TPCN1: variants seen among roughly 807,000 people sequenced by gnomAD.
TPCN1 encodes two pore channel protein 1.
Under a neutral mutation model 108.8 loss-of-function variants are expected in TPCN1, and 52 were observed. That is an observed-to-expected ratio of 0.48 (90% confidence interval 0.38 to 0.60). The LOEUF is 0.60. TPCN1 is among the 20% of genes least tolerant of loss of function. The pLI, the probability that TPCN1 is intolerant of heterozygous loss-of-function variation, is 0.00. For missense variants in TPCN1, 806 were observed against 1,072.8 expected, an observed-to-expected ratio of 0.75 and a Z score of 3.47; for synonymous variants, 446 against 433.7, an observed-to-expected ratio of 1.03 and a Z score of -0.35.
In TPCN1 at chr12:113,226,874, G is replaced by A. The variant is rs368830162; in HGVS notation, c.22G>A (p.Asp8Asn). The change falls in exon 2 of 28, where the codon GAC becomes AAC. Residue 8 changes from aspartate to asparagine, a missense_variant. Physicochemically the swap from Asp to Asn is conservative, Grantham distance 23 (BLOSUM62 1). Transcript: ENST00000335509. The stretch of plus-strand genomic sequence containing the variant: ...GAACATGGCTGTGAGTTTGGATGAC[G>A]ACGTGCCGCTCATCCTGACCTTGGA... MAVSLDD[D>N]VPLILTLDEG... 4.3e-6 allele frequency: 7 copies of A among 1,614,016 alleles called. No individual in the cohort carries two copies. Among genetic ancestry groups the A allele is most frequent in the Middle Eastern group, 1.6e-4 (1 of 6,080 alleles).
At chr12:113,225,335 A>T (rs1350135921) in intron 1 of TPCN1, 1 of 432,224 alleles carries the variant, frequency 2.3e-6, no homozygotes, top group Non-Finnish European at 4.7e-6. Context: ...CTGAGATTAC[A>T]GGTGGGAGCC....
chr12:113,244,735 G>A (rs570206317), intron 2 of TPCN1: 46 of 985,410 alleles, frequency 4.7e-5, no homozygotes, highest in South Asian at 1.9e-4. Flanking sequence ...GGAGGGCTCC[G>A]AGTGCTTTGT....
At chr12:113,264,981 A>G (rs1050469778) in intron 3 of TPCN1, among the ~76,000 whole-genome samples, 1 of 151,882 alleles carries the variant, frequency 6.6e-6, no homozygotes, top group African/African-American at 2.4e-5. Context: ...GCATGCCACC[A>G]TACCCAGCTA....
chr12:113,233,325 TGA>T (rs1953762822), intron 2 of TPCN1, among the ~76,000 whole-genome samples: 1 of 152,196 alleles, frequency 6.6e-6, no homozygotes, highest in Admixed American at 6.5e-5. Flanking sequence ...ACGTTTCCTC[TGA>T]GAGCGCTTCA....
At chr12:113,226,080 CTT>C (rs780557259) in intron 1 of TPCN1, among the ~76,000 whole-genome samples, 1 of 140,322 alleles carries the variant, frequency 7.1e-6, no homozygotes, top group Non-Finnish European at 1.6e-5. Flanking sequence ...ACCCAACCAG[CTT>C]TTTTTTTTTT....
At chr12:113,238,493 T>A (rs1227938160) in intron 2 of TPCN1, among the ~76,000 whole-genome samples, 1 of 152,186 alleles carries the variant, frequency 6.6e-6, no homozygotes, top group Non-Finnish European at 1.5e-5. Context: ...CTACCTTAAA[T>A]GACCAAGTCT....
At chr12:113,254,092 A>G (rs1954747041) in intron 2 of TPCN1, among the ~76,000 whole-genome samples, 1 of 152,234 alleles carries the variant, frequency 6.6e-6, no homozygotes, top group Admixed American at 6.5e-5. Flanking sequence ...GCCTCTTGGC[A>G]AATTTCTTGA....
chr12:113,292,335 C>T (rs780921373), intron 25 of TPCN1: 2 of 258,098 alleles, frequency 7.7e-6, no homozygotes, highest in Non-Finnish European at 7.5e-6. Flanking sequence ...GTTCACACTA[C>T]GGTTCTTGAT....
At position 113,291,692 on chromosome 12, in the gene TPCN1, A is replaced by G. The variant is rs780053214; in HGVS notation, c.2028+15A>G. On this transcript the variant is annotated intron_variant, in intron 24 of 27. Transcript: ENST00000335509. ...TTGTGACCATGGTAGGTCCCGGACC[A>G]CAGAACGCTCTTTGTCCTTCGTCTT... 3.7e-6 allele frequency: 6 copies of G among 1,612,900 alleles called. No individual in the cohort carries two copies. Among genetic ancestry groups the G allele is most frequent in the Non-Finnish European group, 5.1e-6 (6 of 1,179,366 alleles).
chr12:113,293,103 G>C (rs1412738356), intron 26 of TPCN1, 30 bp downstream of exon 26: 2 of 1,604,472 alleles, frequency 1.2e-6, no homozygotes, highest in East Asian at 4.5e-5. Flanking sequence ...GTCCGAAGGA[G>C]GGAGGCAGGT....
In TPCN1 at chr12:113,273,137, AAGGCAGGGCATGCC is replaced by A. The variant is rs1955560732; in HGVS notation, c.784-91_784-78del. Reference sequence around the variant, plus strand: ...TTCCTTGAGAGATGCAAGAGCGGTCAAGGCAGGGCATGCCAGGTGGCCCATCACAGCCTGTTCCT... The same window carrying A: ...TTCCTTGAGAGATGCAAGAGCGGTCAAGGTGGCCCATCACAGCCTGTTCCT... On this transcript the variant is annotated intron_variant, in intron 8 of 27. Transcript: ENST00000335509. This position sits in a 1 kb window ranked among gnomAD's most constrained non-coding sequence, Gnocchi z 4.0. 1.3e-5 allele frequency: 14 copies of A among 1,117,206 alleles called. No individual in the cohort carries two copies. Among genetic ancestry groups the A allele is most frequent in the Non-Finnish European group, 1.9e-5 (14 of 728,682 alleles). The allele number at this position is 1,117,206 out of a possible 1,614,324, so 69.2% of individuals were successfully genotyped here.
intron 2 of TPCN1, among the ~76,000 whole-genome samples, chr12:113,228,304 C>T (rs1168035918): frequency 1.3e-5 from 2 of 152,154 alleles, no homozygotes; most frequent in African/African-American, 4.8e-5. Flanking sequence ...TTCTTCATCA[C>T]CCTTAATAAA....
chr12:113,271,110 AT>A (rs1455801542), intron 7 of TPCN1, among the ~76,000 whole-genome samples: 2 of 152,036 alleles, frequency 1.3e-5, no homozygotes, highest in Non-Finnish European at 2.9e-5. Flanking sequence ...CACAAAAAAA[AT>A]ATACAGGAAT....
At chr12:113,279,377 ATATATATATATATATTT>A (rs1955798718) in intron 14 of TPCN1, among the ~76,000 whole-genome samples, 1 of 29,426 alleles carries the variant, frequency 3.4e-5, no homozygotes, top group Non-Finnish European at 5.8e-5. Flanking sequence ...ATATATATAT[ATATATATATATATATTT>A]TTTTTTTTTT....
rs1409495963 is a variant in TPCN1 at position 113,269,600 on chromosome 12, A to G, written c.660-157A>G. On this transcript the variant is annotated intron_variant, in intron 6 of 27. Transcript: ENST00000335509. The surrounding 1 kb of genome is among the most constrained non-coding windows in gnomAD (Gnocchi z 5.0). ...TGCCATCCGCTGAGTGGGGGTCTCA[A>G]GCCACTTTAGGAAAAAATGAAGCAT... Among the ~76,000 whole-genome samples, 1 of 152,090 alleles carries G rather than the reference A, an allele frequency of 6.6e-6. No homozygotes were observed. The highest frequency in any genetic ancestry group is 1.5e-5 in the Non-Finnish European group (1 of 68,018).
intron 12 of TPCN1, among the ~76,000 whole-genome samples, 153 bp downstream of exon 12, chr12:113,277,517 G>A (rs1172633816): frequency 6.6e-6 from 1 of 152,172 alleles, no homozygotes; most frequent in African/African-American, 2.4e-5. Flanking sequence ...CTTACACACT[G>A]GATTCATCAG....
At chr12:113,274,232 C>T (rs1167911539) in intron 10 of TPCN1, among the ~76,000 whole-genome samples, 2 of 152,144 alleles carry the variant, frequency 1.3e-5, no homozygotes, top group Non-Finnish European at 2.9e-5. Context: ...GTGGGTGGAT[C>T]ATTTGAAGTC....
chr12:113,235,474 T>A (rs1429225892), intron 2 of TPCN1, among the ~76,000 whole-genome samples: 2 of 151,414 alleles, frequency 1.3e-5, no homozygotes, highest in East Asian at 3.9e-4. Flanking sequence ...AAGATTCAAG[T>A]GAGCATTAGA....
intron 17 of TPCN1, among the ~76,000 whole-genome samples, chr12:113,285,654 G>T (rs991704387): frequency 6.6e-6 from 1 of 152,252 alleles, no homozygotes; most frequent in Non-Finnish European, 1.5e-5. Flanking sequence ...GGGATGATAG[G>T]TGTGAACCCC....
Sources: allele counts gnomAD v4.1 joint callset (sites outside exome capture counted in the v4.1 genomes callset), GRCh38; gene constraint gnomAD v4.1.1; non-coding constraint Gnocchi (gnomAD v3.1); transcripts MANE v1.5; gene names NCBI Gene and HGNC (gene_info 2026-07-23, HGNC 2026-07-21).